The following AXDND1 variants were observed in gnomAD, a reference collection of about 807,000 sequenced individuals.
AXDND1 encodes the protein axonemal dynein light chain domain-containing protein 1.
AXDND1 carries 110 observed loss-of-function variants against 137.5 expected under a neutral mutation model. The observed-to-expected ratio is 0.80, with a 90% CI of 0.69 to 0.94. The LOEUF (loss-of-function observed/expected upper bound fraction) is 0.94. Among genes scored for constraint, AXDND1 ranks in the 40% least tolerant of loss-of-function variants. AXDND1 has a pLI of 0.00. For synonymous variants in AXDND1, 414 were observed against 399.7 expected, an observed-to-expected ratio of 1.04 and a Z score of -0.43; for missense variants, 1,191 against 1,169.8, an observed-to-expected ratio of 1.02 and a Z score of -0.26.
chr1:179,425,868 A>G lies in AXDND1; in HGVS notation c.1231-3650A>G, dbSNP rs1427680292. 2.1e-4 allele frequency among the ~76,000 whole-genome samples: 28 copies of G among 132,138 alleles called. 1 individual carries two copies. The Admixed American group carries it at 2.4e-3, about 11-fold the overall frequency. The allele number at this position is 132,138 out of a possible 152,430, so 86.7% of individuals were successfully genotyped here. On this transcript the variant is annotated intron_variant, in intron 12 of 25. Transcript: ENST00000367618. Reference sequence around the variant, plus strand: ...TTTTTTTTTTTTGAGACAGAGTCTCACTCTGTCACCCAGGCTGGAATGCAG... The same window carrying G: ...TTTTTTTTTTTTGAGACAGAGTCTCGCTCTGTCACCCAGGCTGGAATGCAG...
rs528040756 is a variant in AXDND1 at position 179,448,166 on chromosome 1, G to A, written c.1798+2962G>A. 145 of 928,288 alleles carry A rather than the reference G, an allele frequency of 1.6e-4. 1 individual carries two copies. In the South Asian group the frequency reaches 1.7e-3, roughly 11 times the overall value. 57.5% of individuals were successfully genotyped at this position (928,288 alleles called of 1,614,324 possible). A position where few individuals can be genotyped will look rare whatever the true frequency, so the allele number is the denominator to read the frequency against. On this transcript the variant is annotated intron_variant, in intron 16 of 25. Transcript: ENST00000367618. The stretch of plus-strand genomic sequence containing the variant: ...ATGAAGTATCAGGGTCTGAGCTGTC[G>A]CACCCTCTGTGTTCCTTCTTGTTCA...
intron 2 of AXDND1, 100 bp downstream of exon 2, chr1:179,366,706 G>A (rs1456140847): frequency 1.0e-6 from 1 of 958,384 alleles, no homozygotes; most frequent in Non-Finnish European, 1.6e-6. Context: ...AGAATACCTT[G>A]ATTGGCTACA....
At position 179,483,134 on chromosome 1, in the gene AXDND1, C is replaced by G. The variant is rs1665624578; in HGVS notation, c.2004C>G (p.Leu668=). Residue 668 remains leucine, a synonymous_variant, in exon 18 of 26, where the codon CTC becomes CTG. Transcript: ENST00000367618. ...TACTTGATTTTTCCTTCAGGGTACT[C>G]CAAGCGTATATATTTAACATGATTC... ...QHIDVDSVSV[L]QAYIFNMIQQ... is the part of the protein sequence containing the mutation. The G allele has an allele frequency of 6.3e-7, 1 of 1,592,644 alleles. No homozygotes were observed. The highest frequency in any genetic ancestry group is 8.6e-7 in the Non-Finnish European group (1 of 1,168,382).
rs1647720067 is a variant in AXDND1 at position 179,378,764 on chromosome 1, A to G, written c.495+7A>G. 2.6e-6 allele frequency: 4 copies of G among 1,513,328 alleles called. No homozygotes were observed. The highest frequency in any genetic ancestry group is 3.5e-6 in the Non-Finnish European group (4 of 1,128,660). The allele number at this position is 1,513,328 out of a possible 1,614,324, so 93.7% of individuals were successfully genotyped here. On this transcript the variant is annotated splice_region_variant and intron_variant, in intron 5 of 25. Transcript: ENST00000367618. ...TGTCATTGTGCCCCATAAGGTAAAT[A>G]AAGTATTTGACAAATAATCTTCTCT...
intron 21 of AXDND1, among the ~76,000 whole-genome samples, chr1:179,521,460 A>C (rs1041200532): frequency 1.3e-5 from 2 of 151,982 alleles, no homozygotes; most frequent in Non-Finnish European, 2.9e-5. Context: ...TTTCTTTTTT[A>C]ATTATATTGA....
rs770397046 is a variant in AXDND1 at position 179,525,446 on chromosome 1, A to T, written c.2609A>T (p.Glu870Val). The T allele has an allele frequency of 4.4e-6, 7 of 1,604,632 alleles. No homozygotes were observed. The highest frequency in any genetic ancestry group is 5.1e-6 in the Non-Finnish European group (6 of 1,175,116). The change falls in exon 22 of 26, where the codon GAA becomes GTA. Residue 870 changes from glutamate (E) to valine (V), a missense_variant and splice_region_variant. Glu to Val is a moderately radical substitution (Grantham distance 121, BLOSUM62 -2). Transcript: ENST00000367618. ...LQEENKERAEEQPSTSTEKEK... is the reference protein window; with the variant it reads ...LQEENKERAEVQPSTSTEKEK... ...GAGGAAAATAAAGAGAGAGCAGAAG[A>T]AGTAAGATTATTTGGTATTTGTTTT...
chr1:179,525,448 G>A lies in AXDND1; in HGVS notation c.2610+1G>A. 2 of 1,603,642 alleles carry A rather than the reference G, an allele frequency of 1.2e-6. No individual in the cohort carries two copies. The highest frequency in any genetic ancestry group is 1.7e-6 in the Non-Finnish European group (2 of 1,174,658). On this transcript the variant is annotated splice_donor_variant, in intron 22 of 25. Transcript: ENST00000367618. LOFTEE classifies it high-confidence loss of function. ...GGAAAATAAAGAGAGAGCAGAAGAA[G>A]TAAGATTATTTGGTATTTGTTTTTC...
chr1:179,425,835 C>CTT (rs11300946), intron 12 of AXDND1, among the ~76,000 whole-genome samples: 13 of 101,086 alleles, frequency 1.3e-4, no homozygotes, highest in African/African-American at 3.2e-4. Context: ...TGTGGAAGCT[C>CTT]TTTTTTTTTT....
In AXDND1 at chr1:179,379,389, C is replaced by G; in HGVS notation, c.496-8C>G. ...CATTCTTTTATTTTGCTTTTCTTTTCTTTTAAGCCAAAGACACTAACAGAT... is the reference window on the plus strand; with the variant it reads ...CATTCTTTTATTTTGCTTTTCTTTTGTTTTAAGCCAAAGACACTAACAGAT... On this transcript the variant is annotated splice_polypyrimidine_tract_variant and splice_region_variant and intron_variant, in intron 5 of 25. Transcript: ENST00000367618. The G allele has an allele frequency of 6.2e-7, 1 of 1,610,772 alleles. No individual in the cohort carries two copies.
At chr1:179,401,258 CA>C (rs201354000) in intron 11 of AXDND1, among the ~76,000 whole-genome samples, 13,824 of 83,518 alleles carry the variant, frequency 0.17, 646 homozygotes, top group East Asian at 0.38. Flanking sequence ...AACTCCATCT[CA>C]AAAAAAAAAA....
chr1:179,534,512 A>T, intron 24 of AXDND1: 2 of 446,196 alleles, frequency 4.5e-6, no homozygotes, highest in East Asian at 7.6e-5. Context: ...AGTGATAAAT[A>T]TATTCTTAAA....
At chr1:179,529,040 G>A (rs1670812517) in intron 23 of AXDND1, among the ~76,000 whole-genome samples, 1 of 152,190 alleles carries the variant, frequency 6.6e-6, no homozygotes, top group Admixed American at 6.5e-5. Context: ...ATAACTGTCG[G>A]GAAACTGGGA....
At chr1:179,447,463 C>G (rs1038290492) in intron 16 of AXDND1, 11 of 431,498 alleles carry the variant, frequency 2.5e-5, no homozygotes, top group Admixed American at 1.2e-4. Flanking sequence ...CCTTCAAATA[C>G]TAATTTTGAA....
intron 6 of AXDND1, 94 bp downstream of exon 6, chr1:179,379,576 C>A: frequency 6.7e-7 from 1 of 1,498,998 alleles, no homozygotes; most frequent in Non-Finnish European, 9.0e-7. Context: ...GGTGGATCAT[C>A]TGAGGTCAGG....
At chr1:179,535,113 A>G in intron 25 of AXDND1, 151 bp downstream of exon 25, 1 of 1,197,376 alleles carries the variant, frequency 8.4e-7, no homozygotes, top group Non-Finnish European at 1.2e-6. Context: ...TTAATCACAT[A>G]ACCATCTTAT....
intron 16 of AXDND1, among the ~76,000 whole-genome samples, chr1:179,467,615 A>G (rs769495032): frequency 1.3e-5 from 2 of 152,210 alleles, no homozygotes; most frequent in Non-Finnish European, 2.9e-5. Context: ...CCTGAAACCA[A>G]TCCTCTGTAG....
chr1:179,491,644 G>C lies in AXDND1; in HGVS notation c.2198G>C (p.Ser733Thr). ...QDCLLKLEEE[S>T]AEKHDIGVAR... ...TGTCTCCTAAAGTTGGAGGAGGAAA[G>C]TGCTGAGAAACATGATATAGGAGTT... Residue 733 changes from serine to threonine, a missense_variant, in exon 19 of 26, where the codon AGT (serine) becomes ACT (threonine). Transcript: ENST00000367618. 6.2e-7 allele frequency: 1 copy of C among 1,613,824 alleles called. No individual in the cohort carries two copies. Among genetic ancestry groups the C allele is most frequent in the Non-Finnish European group, 8.5e-7 (1 of 1,179,906 alleles).
At chr1:179,503,997 A>AAGGT (rs1668289270) in intron 20 of AXDND1, among the ~76,000 whole-genome samples, 1 of 152,216 alleles carries the variant, frequency 6.6e-6, no homozygotes. Context: ...CTTATGTATT[A>AAGGT]ATATATAGGT....
At chr1:179,436,799 C>T (rs539151413) in intron 15 of AXDND1, among the ~76,000 whole-genome samples, 3 of 151,690 alleles carry the variant, frequency 2.0e-5, no homozygotes, top group Non-Finnish European at 2.9e-5. Flanking sequence ...CCATGGCACA[C>T]GTATACCTGT....
Sources: allele counts gnomAD v4.1 joint callset (sites outside exome capture counted in the v4.1 genomes callset), GRCh38; gene constraint gnomAD v4.1.1; transcripts MANE v1.5; gene names NCBI Gene and HGNC (gene_info 2026-07-23, HGNC 2026-07-21).